The following BTN3A2 variants were observed in gnomAD, a reference collection of about 807,000 sequenced individuals.
BTN3A2 encodes butyrophilin protein.
A neutral mutation model predicts 37.6 loss-of-function variants in BTN3A2; 25 were observed. The ratio of observed to expected loss-of-function variants is 0.66; its 90% CI spans 0.48 to 0.93. The LOEUF is 0.93. Among genes scored for constraint, BTN3A2 ranks in the 40% least tolerant of loss-of-function variants. The pLI, the probability that BTN3A2 is intolerant of heterozygous loss-of-function variation, is 0.00. For synonymous variants in BTN3A2, 122 were observed against 159.4 expected (o/e 0.77, Z 1.77); for missense variants, 266 against 410.9 (o/e 0.65, Z 3.05).
At position 26,376,636 on chromosome 6, in the gene BTN3A2, G is replaced by C; in HGVS notation, c.*874G>C. On this transcript the variant is annotated 3_prime_UTR_variant, in exon 11 of 11. Transcript: ENST00000377708. ...CTCCTTGTTTCTGAGGACCAGAGGA[G>C]TGTACAGCGTGCTGAGGAGCCCCAT... 1 of 1,469,758 alleles carries C rather than the reference G, an allele frequency of 6.8e-7. No individual in the cohort carries two copies. Among genetic ancestry groups the C allele is most frequent in the South Asian group, 1.1e-5 (1 of 87,072 alleles). The allele number at this position is 1,469,758 out of a possible 1,614,324, so 91.0% of individuals were successfully genotyped here. A position where few individuals can be genotyped will look rare whatever the true frequency, so the allele number is the denominator to read the frequency against.
At chr6:26,370,001 T>A (rs572095370) in intron 4 of BTN3A2, among the ~76,000 whole-genome samples, 14 of 152,344 alleles carry the variant, frequency 9.2e-5, no homozygotes, top group African/African-American at 2.9e-4. Flanking sequence ...ACCCTCAGGC[T>A]GGCTGCATTG....
At chr6:26,370,778 G>T (rs10946818) in intron 5 of BTN3A2, among the ~76,000 whole-genome samples, 175 bp downstream of exon 5, 2 of 152,062 alleles carry the variant, frequency 1.3e-5, no homozygotes, top group Non-Finnish European at 2.9e-5. Context: ...AAAGGTGTTC[G>T]TAACACAAAC....
chr6:26,365,801 A>G (rs1307273068), intron 1 of BTN3A2, among the ~76,000 whole-genome samples: 2 of 152,198 alleles, frequency 1.3e-5, no homozygotes, highest in Non-Finnish European at 2.9e-5. Flanking sequence ...TGCCTCATAG[A>G]TTTATATGTA....
rs529878369 is a variant in BTN3A2, at chr6:26,373,413, C to T, written c.964C>T (p.Arg322Cys). 116 of 1,600,178 alleles carry T rather than the reference C, an allele frequency of 7.2e-5. 1 individual carries two copies. In the South Asian group the frequency reaches 1.2e-3, roughly 16 times the overall value. Reference protein sequence around the residue: ...LKRKKIQYLTRGEESSSDTNK... With the variant: ...LKRKKIQYLTCGEESSSDTNK... ...GAGGAAAAAAATCCAGTACTTGACT[C>T]GTGAGTGGCTTTGACATTTTCTCTG... The change falls in exon 8 of 11, where the codon CGT becomes TGT. Residue 322 changes from arginine (R) to cysteine (C), a missense_variant and splice_region_variant. By Grantham distance (180) the Arg-to-Cys change is radical. Around this residue, in one of 3 missense-constraint regions of BTN3A2, gnomAD observed 204 missense variants for 232.6 expected, o/e 0.88. Coordinates refer to ENST00000377708, the MANE Select transcript of BTN3A2 (RefSeq NM_007047.5).
chr6:26,374,424 T>G lies in BTN3A2; in HGVS notation c.*6+51T>G, dbSNP rs1760496101. 3 of 1,537,656 alleles carry G rather than the reference T, an allele frequency of 2.0e-6. No homozygotes were observed. The African/African-American group carries it at 4.1e-5, about 21-fold the overall frequency. On this transcript the variant is annotated intron_variant, in intron 9 of 10. Transcript: ENST00000377708. ...GAATATTTCAACTTTTTCTCCACTGTGACCCGTGGATGTTCTCAGCTGGAT... is the reference window on the plus strand; with the variant it reads ...GAATATTTCAACTTTTTCTCCACTGGGACCCGTGGATGTTCTCAGCTGGAT...
chr6:26,369,239 A>G (rs1055722145), intron 4 of BTN3A2, among the ~76,000 whole-genome samples: 1 of 152,242 alleles, frequency 6.6e-6, no homozygotes, highest in African/African-American at 2.4e-5. Flanking sequence ...GTTGTGTAAC[A>G]GATGGCTTCT....
chr6:26,377,430 T>A lies in BTN3A2; in HGVS notation c.*1668T>A, dbSNP rs1017041824. The A allele has an allele frequency of 9.3e-5, 43 of 463,046 alleles. No individual in the cohort carries two copies. The highest frequency in any genetic ancestry group is 7.5e-4 in the African/African-American group (38 of 50,524). The allele number at this position is 463,046 out of a possible 1,614,324, so 28.7% of individuals were successfully genotyped here. The stretch of plus-strand genomic sequence containing the variant: ...ATTGACTTTACAAAGCAGACAGGAA[T>A]AGTGAACAACAGAGCTGGGATCTGA... On this transcript the variant is annotated 3_prime_UTR_variant, in exon 11 of 11. Coordinates refer to ENST00000377708, the MANE Select transcript of BTN3A2 (RefSeq NM_007047.5).
intron 8 of BTN3A2, chr6:26,373,660 A>C (rs1425985929): frequency 7.5e-6 from 3 of 402,126 alleles, no homozygotes; most frequent in Non-Finnish European, 8.7e-6. Flanking sequence ...AGCTCTAAAA[A>C]GCACTGAGGA....
At position 26,376,939 on chromosome 6, in the gene BTN3A2, G is replaced by A. The variant is rs1760748911; in HGVS notation, c.*1177G>A. 3 of 1,610,048 alleles carry A rather than the reference G, an allele frequency of 1.9e-6. No homozygotes were observed. In the Admixed American group the frequency reaches 5.0e-5, roughly 27 times the overall value. Reference sequence around the variant, plus strand: ...CTTCCTGAGCCTCCTAGGAAAGTGGGGGTCATCCTGGACTATGAGACTGGA... The same window carrying A: ...CTTCCTGAGCCTCCTAGGAAAGTGGAGGTCATCCTGGACTATGAGACTGGA... On this transcript the variant is annotated 3_prime_UTR_variant, in exon 11 of 11. Transcript: ENST00000377708.
intron 4 of BTN3A2, 133 bp from the exon 5 acceptor site, chr6:26,370,189 A>G: frequency 1.6e-6 from 2 of 1,236,786 alleles, no homozygotes; most frequent in Non-Finnish European, 2.2e-6. Context: ...CCTCATCATG[A>G]CCACACTTTT....
intron 8 of BTN3A2, 55 bp from the exon 9 acceptor site, chr6:26,374,272 G>A: frequency 1.8e-6 from 2 of 1,088,106 alleles, no homozygotes; most frequent in South Asian, 1.3e-5. Context: ...AGGGGAAGGG[G>A]CCAACACAGA....
intron 1 of BTN3A2, 99 bp downstream of exon 1, chr6:26,365,451 T>A: frequency 2.2e-6 from 3 of 1,351,132 alleles, no homozygotes; most frequent in East Asian, 2.5e-5. Flanking sequence ...GAGAGTACTC[T>A]CCCAGAGAAA....
chr6:26,372,869 C>G, intron 5 of BTN3A2, 28 bp from the exon 6 acceptor site: 1 of 1,612,202 alleles, frequency 6.2e-7, no homozygotes, highest in Non-Finnish European at 8.5e-7. Context: ...GCACCAGCGC[C>G]CATGACCTAC....
chr6:26,371,685 CTT>C (rs150885158), intron 5 of BTN3A2, among the ~76,000 whole-genome samples: 5 of 144,770 alleles, frequency 3.5e-5, no homozygotes, highest in Non-Finnish European at 4.6e-5. Flanking sequence ...GTGTGTGTGT[CTT>C]TTTTTTTTTT....
chr6:26,371,659 G>C (rs1406398471), intron 5 of BTN3A2, among the ~76,000 whole-genome samples: 2 of 151,800 alleles, frequency 1.3e-5, no homozygotes, highest in African/African-American at 4.8e-5. Flanking sequence ...CATGTGAAAG[G>C]TTTCTGTTTT....
At position 26,377,118 on chromosome 6, in the gene BTN3A2, G is replaced by A. The variant is rs1417409063; in HGVS notation, c.*1356G>A. ...AATACCAAAAGTAGAGAGTTCCCCC[G>A]ATCCCGACCTAGTGCCTGATCATTC... is the stretch of plus-strand genomic sequence containing the variant. On this transcript the variant is annotated 3_prime_UTR_variant, in exon 11 of 11. Transcript: ENST00000377708. 2.4e-5 allele frequency: 31 copies of A among 1,315,830 alleles called. No individual in the cohort carries two copies. The highest frequency in any genetic ancestry group is 5.1e-5 in the Admixed American group (3 of 59,376). 81.5% of individuals were successfully genotyped at this position (1,315,830 alleles called of 1,614,324 possible).
Position 26,373,002 on chromosome 6 carries a change from A to G in BTN3A2, c.821A>G (p.Gln274Arg). 1 of 1,614,246 alleles carries G rather than the reference A, an allele frequency of 6.2e-7. No individual in the cohort carries two copies. ...AGASYFLWRQ[Q>R]KEITALSSEI... ...GCCAGTTACTTCTTGTGGAGACAACAGAAGGAAATAACTGCTCTGTCCAGT... is the reference window on the plus strand; with the variant it reads ...GCCAGTTACTTCTTGTGGAGACAACGGAAGGAAATAACTGCTCTGTCCAGT... The change falls in exon 6 of 11, where the codon CAG (glutamine) becomes CGG (arginine). Residue 274 changes from glutamine to arginine, a missense_variant. By Grantham distance (43) the Gln-to-Arg change is conservative (BLOSUM62 1). Transcript: ENST00000377708.
Position 26,377,387 on chromosome 6 carries a change from T to C in BTN3A2, c.*1625T>C, listed in dbSNP as rs950253529. On this transcript the variant is annotated 3_prime_UTR_variant, in exon 11 of 11. Transcript: ENST00000377708. ...GGCCCCTTTATACAGATAAGGAAACTGGGGTGTAGAAAAGTGTATTGACTT... is the reference window on the plus strand; with the variant it reads ...GGCCCCTTTATACAGATAAGGAAACCGGGGTGTAGAAAAGTGTATTGACTT... 1 of 528,960 alleles carries C rather than the reference T, an allele frequency of 1.9e-6. No individual in the cohort carries two copies. The highest frequency in any genetic ancestry group is 3.4e-6 in the Non-Finnish European group (1 of 291,334). The allele number at this position is 528,960 out of a possible 1,614,324, so 32.8% of individuals were successfully genotyped here. A position where few individuals can be genotyped will look rare whatever the true frequency, so the allele number is the denominator to read the frequency against.
chr6:26,374,918 G>T (rs1760558043), intron 10 of BTN3A2, 120 bp downstream of exon 10: 2 of 1,046,388 alleles, frequency 1.9e-6, no homozygotes, highest in Non-Finnish European at 2.8e-6. Flanking sequence ...TTCCTTCGTG[G>T]GTAGGAAGAC....
Sources: gnomAD v4.1 joint callset for allele counts (sites outside exome capture counted in the v4.1 genomes callset) on GRCh38, gnomAD v4.1.1 for gene constraint, gnomAD v4.1.1 regional missense constraint, MANE v1.5 for transcripts, NCBI Gene and HGNC (gene_info 2026-07-23, HGNC 2026-07-21) for gene names.